DYNAP: variants seen among roughly 807,000 people sequenced by gnomAD.
DYNAP encodes the protein dynactin-associated protein.
Under a neutral mutation model 8.5 loss-of-function variants are expected in DYNAP, and 7 were observed. The ratio of observed to expected loss-of-function variants is 0.82; its 90% CI spans 0.47 to 1.54. The LOEUF (loss-of-function observed/expected upper bound fraction) is 1.54, where lower values mean the gene tolerates loss of function less well. DYNAP is among the 40% of genes most tolerant of loss of function. The pLI is 0.01. For synonymous variants in DYNAP, 77 were observed against 77.9 expected, an observed-to-expected ratio of 0.99 and a Z score of 0.06; for missense variants, 256 against 224.3, an observed-to-expected ratio of 1.14 and a Z score of -0.90.
At chr18:54,589,690 G>C (rs777716195), upstream of DYNAP, among the ~76,000 whole-genome samples, 1 of 152,090 alleles carries the variant, frequency 6.6e-6, no homozygotes, top group East Asian at 1.9e-4. Context: ...GTAATGTGTG[G>C]ATGCCATCAA....
At chr18:54,590,327 A>G (rs1174075624), upstream of DYNAP, among the ~76,000 whole-genome samples, 1 of 152,154 alleles carries the variant, frequency 6.6e-6, no homozygotes, top group African/African-American at 2.4e-5. Flanking sequence ...TCTGTGTTGT[A>G]GCAAATCATC....
upstream of DYNAP, among the ~76,000 whole-genome samples, chr18:54,584,289 A>T (rs1422335871): frequency 6.7e-6 from 1 of 148,292 alleles, no homozygotes; most frequent in Non-Finnish European, 1.5e-5. Flanking sequence ...ATATTAATTA[A>T]TAATTAATAT....
At chr18:54,584,911 G>A (rs1910824410), upstream of DYNAP, among the ~76,000 whole-genome samples, 1 of 152,196 alleles carries the variant, frequency 6.6e-6, no homozygotes, top group Admixed American at 6.5e-5. Context: ...GGGATTCAGA[G>A]GCAGGCAGAA....
At chr18:54,581,558 C>G in the DYNAP span, among the ~76,000 whole-genome samples, 1 of 152,186 alleles carries the variant, frequency 6.6e-6, no homozygotes, top group African/African-American at 2.4e-5. Flanking sequence ...CCAACGAAAG[C>G]ATTCTGACAT....
At chr18:54,585,230 A>G, upstream of DYNAP, among the ~76,000 whole-genome samples, 2 of 152,048 alleles carry the variant, frequency 1.3e-5, no homozygotes, top group Middle Eastern at 3.4e-3. Flanking sequence ...GATATTTATA[A>G]TATTTTCTTT....
At chr18:54,595,739 G>A (rs1020845928) in intron 2 of DYNAP, among the ~76,000 whole-genome samples, 7 of 152,090 alleles carry the variant, frequency 4.6e-5, no homozygotes, top group African/African-American at 1.7e-4. Context: ...TAAGTCTTCA[G>A]CCCTTGTATA....
At chr18:54,577,622 CACAA>C in the DYNAP span, among the ~76,000 whole-genome samples, 300 of 105,750 alleles carry the variant, frequency 2.8e-3, 2 homozygotes, top group African/African-American at 0.01. Flanking sequence ...AAAAAAAAAA[CACAA>C]ACAAACCAGT....
At chr18:54,591,051 A>G (rs1911049081), upstream of DYNAP, 2 of 642,804 alleles carry the variant, frequency 3.1e-6, no homozygotes, top group Non-Finnish European at 4.8e-6. Flanking sequence ...AAAAGCTTTC[A>G]GAGGAAGTAC....
chr18:54,589,611 G>A (rs1910994335), upstream of DYNAP, among the ~76,000 whole-genome samples: 1 of 151,992 alleles, frequency 6.6e-6, no homozygotes. Context: ...GTAACTGCTT[G>A]GCCGGTTAGA....
At chr18:54,582,962 C>T (rs1910768274), upstream of DYNAP, among the ~76,000 whole-genome samples, 1 of 151,950 alleles carries the variant, frequency 6.6e-6, no homozygotes, top group Non-Finnish European at 1.5e-5. Flanking sequence ...ACTTATTATC[C>T]AGCTTCAACA....
intron 1 of DYNAP, among the ~76,000 whole-genome samples, chr18:54,592,477 A>G (rs1445532259): frequency 2.0e-5 from 3 of 152,120 alleles, no homozygotes; most frequent in Non-Finnish European, 2.9e-5. Context: ...AAATTCAATA[A>G]TGGAATTTAA....
chr18:54,577,070 A>G, the DYNAP span, among the ~76,000 whole-genome samples: 1 of 152,172 alleles, frequency 6.6e-6, no homozygotes, highest in Non-Finnish European at 1.5e-5. Context: ...AAATGCCTTA[A>G]TTTTAAAAAG....
chr18:54,578,359 A>G, the DYNAP span, among the ~76,000 whole-genome samples: 1 of 152,172 alleles, frequency 6.6e-6, no homozygotes, highest in Non-Finnish European at 1.5e-5. Flanking sequence ...CAATTAATGA[A>G]TATTTTACTT....
At chr18:54,587,964 T>C, upstream of DYNAP, 1 of 398,198 alleles carries the variant, frequency 2.5e-6, no homozygotes, top group East Asian at 3.6e-5. Flanking sequence ...CATTTATATT[T>C]ATCATTATGG....
At chr18:54,595,225 A>G in intron 2 of DYNAP, 122 bp downstream of exon 2, 1 of 1,134,596 alleles carries the variant, frequency 8.8e-7, no homozygotes, top group Non-Finnish European at 1.2e-6. Flanking sequence ...TGTATTAAGC[A>G]TTTGCTGTAT....
At chr18:54,580,411 C>T in the DYNAP span, among the ~76,000 whole-genome samples, 10 of 152,194 alleles carry the variant, frequency 6.6e-5, no homozygotes, top group African/African-American at 2.2e-4. Context: ...CCACTATTAT[C>T]GTGTCAAATT....
chr18:54,586,577 G>A (rs1010364590), upstream of DYNAP, among the ~76,000 whole-genome samples: 13 of 152,136 alleles, frequency 8.5e-5, no homozygotes, highest in Non-Finnish European at 1.2e-4. Context: ...AAAGTTGTAT[G>A]ATCTTGACAG....
At chr18:54,594,664 C>T (rs1025548884) in intron 1 of DYNAP, among the ~76,000 whole-genome samples, 13 of 152,096 alleles carry the variant, frequency 8.5e-5, no homozygotes, top group African/African-American at 2.9e-4. Context: ...GCTCCACATA[C>T]AGCAGCTTGC....
chr18:54,588,206 A>AT (rs11364471), upstream of DYNAP, among the ~76,000 whole-genome samples: 510 of 138,850 alleles, frequency 3.7e-3, 2 homozygotes, highest in South Asian at 9.9e-3. Context: ...GTTGGGAATA[A>AT]TTTTTTTTTT....
Sources: allele counts gnomAD v4.1 joint callset (sites outside exome capture counted in the v4.1 genomes callset), GRCh38; gene constraint gnomAD v4.1.1; transcripts MANE v1.5; gene names NCBI Gene and HGNC (gene_info 2026-07-23, HGNC 2026-07-21).